Variants in PPARGC1A observed in about 807,000 individuals in gnomAD.
PPARGC1A encodes PPARG coactivator 1 alpha.
Under a neutral mutation model 88.7 loss-of-function variants are expected in PPARGC1A, and 25 were observed. The ratio of observed to expected loss-of-function variants is 0.28; its 90% CI spans 0.21 to 0.39. The LOEUF (loss-of-function observed/expected upper bound fraction) is 0.39, where lower values mean the gene tolerates loss of function less well. PPARGC1A is among the 10% of genes least tolerant of loss of function. PPARGC1A has a pLI of 1.00. For missense variants in PPARGC1A, 880 were observed against 968.7 expected (o/e 0.91, Z 1.22); for synonymous variants, 363 against 355.6 (o/e 1.02, Z -0.24).
chr4:24,194,665 CACA>C, the PPARGC1A span, among the ~76,000 whole-genome samples: 23 of 8,796 alleles, frequency 2.6e-3, no homozygotes, highest in Non-Finnish European at 9.7e-3. Context: ...CACACACACA[CACA>C]CCCCCATCAA....
rs1717456663 is a variant in PPARGC1A at position 23,795,684 on chromosome 4, GTTGTT to G, written c.*133_*137del. On this transcript the variant is annotated 3_prime_UTR_variant, in exon 13 of 13. Transcript: ENST00000264867. ...TTGTTGTTGTTCTTGTTGTATTGTT[GTTGTT>G]TTGTTTTGTTTTTGTACAGAGAGTG... The G allele has an allele frequency of 2.0e-5, 12 of 594,148 alleles. No individual in the cohort carries two copies. Among genetic ancestry groups the G allele is most frequent in the Middle Eastern group, 2.8e-4 (1 of 3,616 alleles). 36.8% of individuals were successfully genotyped at this position (594,148 alleles called of 1,614,324 possible). A position where few individuals can be genotyped will look rare whatever the true frequency, so the allele number is the denominator to read the frequency against.
At chr4:23,806,388 A>G (rs562327450) in intron 10 of PPARGC1A, among the ~76,000 whole-genome samples, 1 of 152,336 alleles carries the variant, frequency 6.6e-6, no homozygotes, top group South Asian at 2.1e-4. Context: ...TCATATCTTT[A>G]AAAAAGCTTA....
the PPARGC1A span, among the ~76,000 whole-genome samples, chr4:24,335,946 CATAA>C: frequency 4.3e-4 from 65 of 152,216 alleles, no homozygotes; most frequent in African/African-American, 1.5e-3. Flanking sequence ...AGAATAAATA[CATAA>C]ATAAAGGCCT....
At chr4:24,426,373 C>T in the PPARGC1A span, among the ~76,000 whole-genome samples, 1 of 152,116 alleles carries the variant, frequency 6.6e-6, no homozygotes, top group Non-Finnish European at 1.5e-5. Flanking sequence ...ATAAAAGGAA[C>T]ATTTCAAATA....
chr4:24,117,539 G>A, the PPARGC1A span, among the ~76,000 whole-genome samples: 1 of 150,904 alleles, frequency 6.6e-6, no homozygotes, highest in African/African-American at 2.4e-5. Context: ...TTGCAGTTTT[G>A]TCTCTCTTGC....
At chr4:23,807,601 A>G (rs1252306034) in intron 10 of PPARGC1A, among the ~76,000 whole-genome samples, 1 of 152,230 alleles carries the variant, frequency 6.6e-6, no homozygotes, top group Non-Finnish European at 1.5e-5. Flanking sequence ...TGATATATCA[A>G]AAAACTGTAC....
chr4:23,928,308 A>G, the PPARGC1A span, among the ~76,000 whole-genome samples: 1 of 152,136 alleles, frequency 6.6e-6, no homozygotes, highest in South Asian at 2.1e-4. Flanking sequence ...TTTCTCTTGT[A>G]TCTCCAGGCC....
intron 2 of PPARGC1A, among the ~76,000 whole-genome samples, chr4:23,865,817 C>T (rs1711816751): frequency 6.6e-6 from 1 of 152,094 alleles, no homozygotes; most frequent in African/African-American, 2.4e-5. Context: ...AACTGGTCAA[C>T]CTGAGAACAG....
the PPARGC1A span, among the ~76,000 whole-genome samples, chr4:24,125,748 C>A: frequency 6.6e-6 from 1 of 152,096 alleles, no homozygotes; most frequent in Non-Finnish European, 1.5e-5. Context: ...GACCTCATAC[C>A]CCCAATATAT....
the PPARGC1A span, among the ~76,000 whole-genome samples, chr4:23,918,235 T>A: frequency 2.6e-5 from 4 of 152,182 alleles, no homozygotes; most frequent in African/African-American, 7.2e-5. Flanking sequence ...TTTTCTTTTT[T>A]TTGGGGGGAT....
intron 2 of PPARGC1A, among the ~76,000 whole-genome samples, chr4:23,836,650 G>A (rs935627133): frequency 6.6e-6 from 1 of 152,174 alleles, no homozygotes; most frequent in Non-Finnish European, 1.5e-5. Flanking sequence ...TCTATGACCT[G>A]TACTAGTCTG....
chr4:24,351,085 G>C, the PPARGC1A span, among the ~76,000 whole-genome samples: 1 of 152,084 alleles, frequency 6.6e-6, no homozygotes, highest in Non-Finnish European at 1.5e-5. Context: ...ACAAGAATTA[G>C]CTGGGAGCGG....
chr4:24,086,920 A>T, the PPARGC1A span, among the ~76,000 whole-genome samples: 1 of 152,230 alleles, frequency 6.6e-6, no homozygotes, highest in Admixed American at 6.5e-5. Context: ...AGTGAGATTT[A>T]AAAACTTTAC....
the PPARGC1A span, among the ~76,000 whole-genome samples, chr4:24,319,366 A>T: frequency 1.3e-5 from 2 of 152,098 alleles, no homozygotes; most frequent in Non-Finnish European, 2.9e-5. Flanking sequence ...AAATAAAGAA[A>T]CTCATTCATT....
the PPARGC1A span, among the ~76,000 whole-genome samples, chr4:24,400,301 T>C: frequency 6.6e-6 from 1 of 152,172 alleles, no homozygotes; most frequent in African/African-American, 2.4e-5. Context: ...GGGCACAATC[T>C]AATCAGCTTC....
the PPARGC1A span, among the ~76,000 whole-genome samples, chr4:24,194,364 C>T: frequency 6.6e-6 from 1 of 152,074 alleles, no homozygotes; most frequent in Non-Finnish European, 1.5e-5. Flanking sequence ...AGGTGTTTAC[C>T]TTGATACTTT....
the PPARGC1A span, among the ~76,000 whole-genome samples, chr4:23,980,185 CAA>C: frequency 0.39 from 34,974 of 89,956 alleles, 4,828 homozygotes; most frequent in Non-Finnish European, 0.42. Context: ...TCCCAGCCAG[CAA>C]AAAAAAAAAA....
chr4:24,370,340 A>G, the PPARGC1A span, among the ~76,000 whole-genome samples: 1 of 151,848 alleles, frequency 6.6e-6, no homozygotes, highest in Non-Finnish European at 1.5e-5. Context: ...GTTTGGCCTA[A>G]TGGATGAATA....
At chr4:24,090,574 C>G in the PPARGC1A span, among the ~76,000 whole-genome samples, 1 of 152,170 alleles carries the variant, frequency 6.6e-6, no homozygotes, top group Admixed American at 6.5e-5. Context: ...AATGGAAAAT[C>G]AGAGTTTCAC....
Sources: gnomAD v4.1 joint callset for allele counts (sites outside exome capture counted in the v4.1 genomes callset) on GRCh38, gnomAD v4.1.1 for gene constraint, MANE v1.5 for transcripts, NCBI Gene and HGNC (gene_info 2026-07-23, HGNC 2026-07-21) for gene names.